Variants in BRWD3 observed in about 807,000 individuals in gnomAD.
The protein encoded by BRWD3 is bromodomain and WD repeat-containing protein 3.
BRWD3 carries 10 observed loss-of-function variants against 149.7 expected under a neutral mutation model. The ratio of observed to expected loss-of-function variants is 0.07; its 90% CI spans 0.04 to 0.11. The LOEUF (loss-of-function observed/expected upper bound fraction) is 0.11, where lower values mean the gene tolerates loss of function less well. BRWD3 is among the 10% of genes least tolerant of loss of function. BRWD3 has a pLI of 1.00. For missense variants in BRWD3, 940 were observed against 1,373.2 expected, an observed-to-expected ratio of 0.68 and a Z score of 4.99; for synonymous variants, 504 against 456.7, an observed-to-expected ratio of 1.10 and a Z score of -1.32.
chrX:80,716,649 A>T (rs1355557897), intron 19 of BRWD3, among the ~76,000 whole-genome samples: 3 of 112,268 alleles, frequency 2.7e-5, no homozygotes, highest in African/African-American at 9.7e-5. Context: ...GTATCAGAAC[A>T]TCATTCTTTT....
At chrX:80,742,688 G>C (rs945603640) in intron 8 of BRWD3, among the ~76,000 whole-genome samples, 6 of 110,388 alleles carry the variant, frequency 5.4e-5, no homozygotes, top group African/African-American at 1.7e-4. Context: ...TCATGATTTG[G>C]CTCTCTGTTT....
At chrX:80,718,586 G>A (rs982916232) in intron 18 of BRWD3, among the ~76,000 whole-genome samples, 2 of 111,669 alleles carry the variant, frequency 1.8e-5, no homozygotes, top group Admixed American at 1.9e-4. Context: ...TCTTGTTCTA[G>A]GTTCAGAAAA....
At chrX:80,743,973 A>G in intron 8 of BRWD3, 59 bp downstream of exon 8, 1 of 976,763 alleles carries the variant, frequency 1.0e-6, no homozygotes, top group Non-Finnish European at 1.5e-6. Context: ...GTAACATGAA[A>G]TCAGAGAATT....
At chrX:80,790,858 A>C (rs964174700) in intron 6 of BRWD3, among the ~76,000 whole-genome samples, 7 of 112,078 alleles carry the variant, frequency 6.2e-5, no homozygotes, top group Non-Finnish European at 1.1e-4. Flanking sequence ...TTTAAGGCAA[A>C]GTGAACACTG....
chrX:80,699,019 G>A (rs1459857676), intron 25 of BRWD3, among the ~76,000 whole-genome samples: 1 of 110,193 alleles, frequency 9.1e-6, no homozygotes, highest in African/African-American at 3.3e-5. Flanking sequence ...TTCGAGACTA[G>A]CCTGGTCAAT....
chrX:80,712,007 T>C (rs1602336409), intron 20 of BRWD3, among the ~76,000 whole-genome samples: 1 of 112,347 alleles, frequency 8.9e-6, no homozygotes, highest in South Asian at 3.7e-4. Context: ...AAATATTTTA[T>C]AGAGTTTGAC....
intron 25 of BRWD3, among the ~76,000 whole-genome samples, chrX:80,697,714 A>T (rs6622356): frequency 0.077 from 8,583 of 111,598 alleles, 667 homozygotes; most frequent in African/African-American, 0.23. Context: ...TATCCAGTCC[A>T]CCACTGACGG....
rs983828694 is a variant in BRWD3, at chrX:80,698,273, T to C, written c.2944-1410A>G. Among the ~76,000 whole-genome samples, 25 of 112,099 alleles carry C rather than the reference T, an allele frequency of 2.2e-4. No individual in the cohort carries two copies. In the Admixed American group the frequency reaches 2.3e-3, roughly 10 times the overall value. ...TAACAGATGGCAAAACTGATCTTCA[T>C]AGGTATAGGGTCCTGCTTAAAGTTA... On this transcript the variant is annotated intron_variant, in intron 25 of 40. Transcript: ENST00000373275.
Position 80,703,575 on chromosome X carries a change from T to C in BRWD3, c.2740A>G (p.Ile914Val), listed in dbSNP as rs146413988. Residue 914 changes from isoleucine (I) to valine (V), a missense_variant, in exon 24 of 41, where the codon ATA (isoleucine) becomes GTA (valine). Ile to Val is a conservative substitution (Grantham distance 29, BLOSUM62 3). Transcript: ENST00000373275. ...TRKKKGGLVSIAGEPNEEWFA... is the reference protein window; with the variant it reads ...TRKKKGGLVSVAGEPNEEWFA... The stretch of plus-strand genomic sequence containing the variant: ...CATTCTTCATTAGGCTCACCTGCTA[T>C]AGAAACCAGTCCTCCTTTCTAAAAC... 6 of 1,198,360 alleles carry C rather than the reference T, an allele frequency of 5.0e-6. No individual in the cohort carries two copies. The Admixed American group carries it at 6.6e-5, about 13-fold the overall frequency.
At chrX:80,778,659 A>G (rs2074023571) in intron 6 of BRWD3, among the ~76,000 whole-genome samples, 1 of 112,345 alleles carries the variant, frequency 8.9e-6, no homozygotes, top group Non-Finnish European at 1.9e-5. Flanking sequence ...TTGGATTCGT[A>G]TTTTCTCTTT....
chrX:80,725,888 T>C (rs1344124142), intron 14 of BRWD3, among the ~76,000 whole-genome samples: 1 of 110,248 alleles, frequency 9.1e-6, no homozygotes, highest in Non-Finnish European at 1.9e-5. Context: ...GTTACATGCC[T>C]ATATAACATG....
At chrX:80,785,487 C>T (rs1602433227) in intron 6 of BRWD3, among the ~76,000 whole-genome samples, 1 of 111,936 alleles carries the variant, frequency 8.9e-6, no homozygotes, top group Admixed American at 9.5e-5. Context: ...CTTCCTTATG[C>T]TCCCTTACCT....
At chrX:80,793,520 A>T (rs1237605657) in intron 5 of BRWD3, 102 bp downstream of exon 5, 4 of 898,394 alleles carry the variant, frequency 4.5e-6, no homozygotes, top group Non-Finnish European at 6.2e-6. Flanking sequence ...AGATAAGAAA[A>T]ACTAGTATTT....
intron 21 of BRWD3, among the ~76,000 whole-genome samples, chrX:80,708,176 ACC>A (rs1394798481): frequency 2.7e-5 from 3 of 111,216 alleles, no homozygotes; most frequent in Non-Finnish European, 5.7e-5. Flanking sequence ...CAGGCAGATC[ACC>A]TGAGGTCAGG....
chrX:80,733,412 A>G (rs1182589827), intron 12 of BRWD3, 44 bp downstream of exon 12: 2 of 1,054,141 alleles, frequency 1.9e-6, no homozygotes, highest in African/African-American at 3.7e-5. Flanking sequence ...TGGTAGTAAA[A>G]TATATCAAAC....
chrX:80,684,060 G>A lies in BRWD3; in HGVS notation c.4183C>T (p.Arg1395Cys), dbSNP rs1327577359. ...GCTTTGGAGTTGTTGAATATTTGGC[G>A]AACATCCTTATAAAATTCCAGAGGA... ...GSPLEFYKDV[R>C]QIFNNSKAYT... Residue 1395 changes from arginine to cysteine, a missense_variant, in exon 37 of 41, where the codon CGC becomes TGC. Arg to Cys is a radical substitution (Grantham distance 180). This residue lies in a region of BRWD3 where 349 missense variants were observed against 419.6 expected (regional missense o/e 0.83). Coordinates refer to ENST00000373275, the MANE Select transcript of BRWD3 (RefSeq NM_153252.5). The A allele has an allele frequency of 1.3e-5, 16 of 1,208,059 alleles. No homozygotes were observed. The highest frequency in any genetic ancestry group is 5.9e-5 in the East Asian group (2 of 33,747).
intron 8 of BRWD3, among the ~76,000 whole-genome samples, chrX:80,741,687 T>C (rs965457675): frequency 1.8e-5 from 2 of 111,127 alleles, no homozygotes; most frequent in African/African-American, 6.5e-5. Context: ...CTCATGTGTC[T>C]CTTGGCTGCA....
intron 6 of BRWD3, among the ~76,000 whole-genome samples, chrX:80,789,540 T>C (rs2074154924): frequency 1.8e-5 from 2 of 110,794 alleles, no homozygotes; most frequent in South Asian, 7.8e-4. Context: ...CACGCCCAGC[T>C]AATTTTTCGT....
At chrX:80,766,433 G>A (rs947496941) in intron 6 of BRWD3, among the ~76,000 whole-genome samples, 4 of 111,005 alleles carry the variant, frequency 3.6e-5, no homozygotes, top group East Asian at 2.8e-4. Context: ...TTTCTCTGAC[G>A]TACCCTGACT....
Sources: allele counts gnomAD v4.1 joint callset (sites outside exome capture counted in the v4.1 genomes callset), GRCh38; gene constraint gnomAD v4.1.1; regional missense constraint gnomAD v4.1.1; transcripts MANE v1.5; gene names NCBI Gene and HGNC (gene_info 2026-07-23, HGNC 2026-07-21).